The following TNFRSF18 variants were observed in gnomAD, a reference collection of about 807,000 sequenced individuals.
TNFRSF18 encodes the protein tumor necrosis factor receptor superfamily member 18.
A neutral mutation model predicts 30.2 loss-of-function variants in TNFRSF18; 36 were observed. The ratio of observed to expected loss-of-function variants is 1.19; its 90% CI spans 0.91 to 1.58. The LOEUF (loss-of-function observed/expected upper bound fraction) is 1.58, where lower values mean the gene tolerates loss of function less well. TNFRSF18 is among the 40% of genes most tolerant of loss of function. The pLI, the probability that TNFRSF18 is intolerant of heterozygous loss-of-function variation, is 0.00. For synonymous variants in TNFRSF18, 173 were observed against 158.3 expected (o/e 1.09, Z -0.70); for missense variants, 369 against 345.4 (o/e 1.07, Z -0.54).
rs1570452981 is a variant in TNFRSF18, at chr1:1,203,853, C to G, written c.717G>C (p.Leu239=). Residue 239 remains leucine, a synonymous_variant, in exon 5 of 5, where the codon CTG becomes CTC. Transcript: ENST00000379268. ...SAEEKGRLGD[L]WV is the part of the protein sequence containing the mutation. ...CGGAGGACGGCCAGGCTCACACCCA[C>G]AGGTCTCCCAGCCGCCCCTTCTCCT... 1.9e-6 allele frequency: 3 copies of G among 1,594,382 alleles called. No individual in the cohort carries two copies. The East Asian group carries it at 6.8e-5, about 36-fold the overall frequency.
intron 2 of TNFRSF18, 125 bp downstream of exon 2, chr1:1,205,245 C>T (rs1206697544): frequency 2.1e-6 from 3 of 1,436,994 alleles, no homozygotes; most frequent in Non-Finnish European, 2.8e-6. Flanking sequence ...CCTGCCCGGC[C>T]TCACAGGACT....
rs983920227 is a variant in TNFRSF18, at chr1:1,206,452, C to G, written c.120G>C (p.Leu40=). The change falls in exon 1 of 5, where the codon CTG becomes CTC. Residue 40 remains leucine (L), a synonymous_variant. Transcript: ENST00000379268. ...GGPGCGPGRL[L]LGTGTDARCC... ...AGCGCGCGTCCGTTCCCGTCCCAAG[C>G]AGGAGGCGCCCAGGGCCGCACCCGG... 1.9e-6 allele frequency: 3 copies of G among 1,547,466 alleles called. No homozygotes were observed. In the South Asian group the frequency reaches 3.6e-5, roughly 18 times the overall value.
At chr1:1,205,233 G>T in intron 2 of TNFRSF18, 137 bp downstream of exon 2, 1 of 1,331,776 alleles carries the variant, frequency 7.5e-7, no homozygotes, top group Non-Finnish European at 1.0e-6. Flanking sequence ...AGCATGGCCT[G>T]GCCTGCCCGG....
rs779565569 is a variant in TNFRSF18 at position 1,204,396 on chromosome 1, C to T, written c.398+3G>A. On this transcript the variant is annotated splice_donor_region_variant and intron_variant, in intron 3 of 4. Coordinates refer to ENST00000379268, the MANE Select transcript of TNFRSF18 (RefSeq NM_004195.3). ...CCACCGGCAGGGCCCACCCAGGACT[C>T]ACTCTGTCCAAGGTTTGCAGTGGCC... 12 of 1,612,366 alleles carry T rather than the reference C, an allele frequency of 7.4e-6. No individual in the cohort carries two copies. The highest frequency in any genetic ancestry group is 1.0e-5 in the Non-Finnish European group (12 of 1,179,796).
chr1:1,204,221 C>G lies in TNFRSF18; in HGVS notation c.414G>C (p.Gly138=). The G allele has an allele frequency of 6.2e-7, 1 of 1,611,324 alleles. No individual in the cohort carries two copies. Among genetic ancestry groups the G allele is most frequent in the Non-Finnish European group, 8.5e-7 (1 of 1,179,244 alleles). ...TGTTCCCAGGGAACACAGTGAGAAA[C>G]CCGAACTGGGTGCAGCTGGAATACA... ...CKPWTDCTQF[G]FLTVFPGNKT... Residue 138 remains glycine (G), a synonymous_variant, in exon 4 of 5, where the codon GGG becomes GGC. Transcript: ENST00000379268.
chr1:1,204,608 C>T (rs1648723144), intron 2 of TNFRSF18, 122 bp from the exon 3 acceptor site: 1 of 730,768 alleles, frequency 1.4e-6, no homozygotes, highest in Middle Eastern at 3.7e-4. Context: ...GAATGCCCCC[C>T]CCATCATCCA....
rs993506981 is a variant in TNFRSF18 at position 1,206,575 on chromosome 1, C to A, written c.-4G>T. On this transcript the variant is annotated 5_prime_UTR_variant, in exon 1 of 5. Coordinates refer to ENST00000379268, the MANE Select transcript of TNFRSF18 (RefSeq NM_004195.3). The stretch of plus-strand genomic sequence containing the variant: ...CCATCGCCCCGTGCTGTGCCATGCT[C>A]GGGTTTCAAGAGCCCACAGCCAGTT... The A allele has an allele frequency of 6.7e-6, 10 of 1,489,918 alleles. No individual in the cohort carries two copies. In the East Asian group the frequency reaches 7.6e-5, roughly 11 times the overall value. The allele number at this position is 1,489,918 out of a possible 1,614,324, so 92.3% of individuals were successfully genotyped here.
intron 2 of TNFRSF18, 30 bp downstream of exon 2, chr1:1,205,340 T>G (rs1408157998): frequency 1.6e-5 from 25 of 1,602,548 alleles, no homozygotes; most frequent in Non-Finnish European, 2.0e-5. Context: ...CTGGCCTGTG[T>G]GGACTCCCAG....
intron 2 of TNFRSF18, 148 bp from the exon 3 acceptor site, chr1:1,204,634 C>T: frequency 2.9e-6 from 2 of 694,456 alleles, no homozygotes; most frequent in African/African-American, 1.8e-5. Context: ...CAGAGTTCTT[C>T]ATGGCCCAGG....
At position 1,206,237 on chromosome 1, in the gene TNFRSF18, CG is replaced by C. The variant is rs1409329604; in HGVS notation, c.187+147del. Reference sequence around the variant, plus strand: ...CTCCCTCTGGGATCCTGCCTCCCTCCGGAAGGCTCCCGCTGCTGGCGGCTCT... The same window carrying C: ...CTCCCTCTGGGATCCTGCCTCCCTCCGAAGGCTCCCGCTGCTGGCGGCTCT... On this transcript the variant is annotated intron_variant, in intron 1 of 4. Coordinates refer to ENST00000379268, the MANE Select transcript of TNFRSF18 (RefSeq NM_004195.3). 3.2e-6 allele frequency: 3 copies of C among 946,194 alleles called. No homozygotes were observed. The Admixed American group carries it at 8.9e-5, about 28-fold the overall frequency. 58.6% of individuals were successfully genotyped at this position (946,194 alleles called of 1,614,324 possible).
chr1:1,204,745 G>C (rs1368201951), intron 2 of TNFRSF18, among the ~76,000 whole-genome samples: 1 of 152,186 alleles, frequency 6.6e-6, no homozygotes, highest in Non-Finnish European at 1.5e-5. Context: ...CTGCCAGGGA[G>C]GGGAAAGGCC....
chr1:1,205,653 TC>T, intron 1 of TNFRSF18, 161 bp from the exon 2 acceptor site: 1 of 722,404 alleles, frequency 1.4e-6, no homozygotes, highest in Non-Finnish European at 2.3e-6. Context: ...CCTGGGTTTA[TC>T]CAGCTGTCTC....
chr1:1,205,655 CAGCT>C (rs1648788097), intron 1 of TNFRSF18, 163 bp from the exon 2 acceptor site: 1 of 723,994 alleles, frequency 1.4e-6, no homozygotes, highest in African/African-American at 1.8e-5. Flanking sequence ...TGGGTTTATC[CAGCT>C]GTCTCTTTCT....
At position 1,203,929 on chromosome 1, in the gene TNFRSF18, T is replaced by C. The variant is rs771205236; in HGVS notation, c.641A>G (p.Asp214Gly). Residue 214 changes from aspartate to glycine, a missense_variant, in exon 5 of 5, where the codon GAC becomes GGC. Asp to Gly is a moderately conservative substitution (Grantham distance 94). Transcript: ENST00000379268. ...LLLEVPPSTE[D>G]ARSCQFPEEE... ...CTCGGGGAACTGGCAGCTTCTGGCGTCTTCGGTCGACGGCGGCACCTCCAG... is the reference window on the plus strand; with the variant it reads ...CTCGGGGAACTGGCAGCTTCTGGCGCCTTCGGTCGACGGCGGCACCTCCAG... 2 of 1,607,792 alleles carry C rather than the reference T, an allele frequency of 1.2e-6. No individual in the cohort carries two copies. Among genetic ancestry groups the C allele is most frequent in the South Asian group, 1.1e-5 (1 of 90,948 alleles).
rs757385897 is a variant in TNFRSF18, at chr1:1,206,541, G to C, written c.31C>G (p.Arg11Gly). The part of the protein sequence containing the change: MAQHGAMGAF[R>G]ALCGLALLCA... ...AGCAGCGCCAGGCCGCACAGGGCCCGAAACGCGCCCATCGCCCCGTGCTGT... is the reference window on the plus strand; with the variant it reads ...AGCAGCGCCAGGCCGCACAGGGCCCCAAACGCGCCCATCGCCCCGTGCTGT... Residue 11 changes from arginine to glycine, a missense_variant, in exon 1 of 5, where the codon CGG becomes GGG. By Grantham distance (125) the Arg-to-Gly change is moderately radical. Transcript: ENST00000379268. 6.6e-7 allele frequency: 1 copy of C among 1,523,226 alleles called. No homozygotes were observed. Among genetic ancestry groups the C allele is most frequent in the Middle Eastern group, 2.2e-4 (1 of 4,556 alleles). The allele number at this position is 1,523,226 out of a possible 1,614,324, so 94.4% of individuals were successfully genotyped here.
At chr1:1,205,259 G>T (rs1425118875) in intron 2 of TNFRSF18, 111 bp downstream of exon 2, 4 of 1,505,512 alleles carry the variant, frequency 2.7e-6, no homozygotes, top group Non-Finnish European at 3.6e-6. Flanking sequence ...CAGGACTCCG[G>T]ACCCCACACA....
chr1:1,206,383 A>T lies in TNFRSF18; in HGVS notation c.187+2T>A, dbSNP rs776674547. Reference sequence around the variant, plus strand: ...CGCGTTAAGTAAACGCGGTTTACTTACCCGGGTAATCGCGGCAGCAGCGCG... The same window carrying T: ...CGCGTTAAGTAAACGCGGTTTACTTTCCCGGGTAATCGCGGCAGCAGCGCG... On this transcript the variant is annotated splice_donor_variant, in intron 1 of 4. Coordinates refer to ENST00000379268, the MANE Select transcript of TNFRSF18 (RefSeq NM_004195.3). LOFTEE classifies it high-confidence loss of function. 1.3e-5 allele frequency: 20 copies of T among 1,546,746 alleles called. No individual in the cohort carries two copies. In the South Asian group the frequency reaches 1.5e-4, roughly 12 times the overall value.
chr1:1,204,814 G>A (rs1285649115), intron 2 of TNFRSF18, among the ~76,000 whole-genome samples: 1 of 152,170 alleles, frequency 6.6e-6, no homozygotes, highest in Non-Finnish European at 1.5e-5. Flanking sequence ...AACAGAGGGT[G>A]GAGAACAGTG....
chr1:1,205,296 C>A, intron 2 of TNFRSF18, 74 bp downstream of exon 2: 1 of 1,556,784 alleles, frequency 6.4e-7, no homozygotes, highest in Non-Finnish European at 8.7e-7. Context: ...GACACCTGTG[C>A]CCACGAGCTC....
Sources: gnomAD v4.1 joint callset for allele counts (sites outside exome capture counted in the v4.1 genomes callset) on GRCh38, gnomAD v4.1.1 for gene constraint, MANE v1.5 for transcripts, NCBI Gene and HGNC (gene_info 2026-07-23, HGNC 2026-07-21) for gene names.